Variants in MYO7A observed in about 807,000 individuals in gnomAD.
MYO7A encodes myosin VIIA.
Under a neutral mutation model 263.8 loss-of-function variants are expected in MYO7A, and 210 were observed. That is an observed-to-expected ratio of 0.80 (90% confidence interval 0.71 to 0.89). The LOEUF (loss-of-function observed/expected upper bound fraction) is 0.89, where lower values mean the gene tolerates loss of function less well. MYO7A is among the 40% of genes least tolerant of loss of function. The pLI is 0.00. For synonymous variants in MYO7A, 1,239 were observed against 1,197.3 expected, an observed-to-expected ratio of 1.03 and a Z score of -0.72; for missense variants, 2,820 against 2,968.3, an observed-to-expected ratio of 0.95 and a Z score of 1.16.
At position 77,158,332 on chromosome 11, in the gene MYO7A, G is replaced by T. The variant is rs41298135; in HGVS notation, c.905G>T (p.Arg302Leu). The change falls in exon 9 of 49, where the codon CGC (arginine) becomes CTC (leucine). Residue 302 changes from arginine (R) to leucine (L), a missense_variant. Coordinates refer to ENST00000409709, the MANE Select transcript of MYO7A (RefSeq NM_000260.4). ...GACAGCCAGGAGTACGCCAACATCCGCTCCGCCATGAAGGTGCTCATGTTC... is the reference window on the plus strand; with the variant it reads ...GACAGCCAGGAGTACGCCAACATCCTCTCCGCCATGAAGGTGCTCATGTTC... ...RVDSQEYANI[R>L]SAMKVLMFTD... 5 of 1,612,956 alleles carry T rather than the reference G, an allele frequency of 3.1e-6. No individual in the cohort carries two copies. The highest frequency in any genetic ancestry group is 1.7e-5 in the Admixed American group (1 of 59,968).
chr11:77,157,406 G>A lies in MYO7A; in HGVS notation c.849+14G>A, dbSNP rs1952589520. The A allele has an allele frequency of 6.3e-7, 1 of 1,581,472 alleles. No individual in the cohort carries two copies. Among genetic ancestry groups the A allele is most frequent in the Non-Finnish European group, 8.6e-7 (1 of 1,160,160 alleles). ...TACTTGGCCATGGTGAGGCCCAGGT[G>A]GGCCCCTGGGTAGGGGGGCACCCAC... On this transcript the variant is annotated intron_variant, in intron 8 of 48. Transcript: ENST00000409709.
intron 27 of MYO7A, among the ~76,000 whole-genome samples, chr11:77,186,378 C>G (rs981840223): frequency 6.6e-6 from 1 of 152,182 alleles, no homozygotes; most frequent in Non-Finnish European, 1.5e-5. Flanking sequence ...TATGAAAGTC[C>G]TAGATGACAT....
At chr11:77,133,283 CTCACA>C (rs1447982998) in intron 2 of MYO7A, among the ~76,000 whole-genome samples, 1 of 152,172 alleles carries the variant, frequency 6.6e-6, no homozygotes, top group Non-Finnish European at 1.5e-5. Context: ...GCACACCTGA[CTCACA>C]TCTTTAAGGA....
In MYO7A at chr11:77,176,851, T is replaced by C. The variant is rs531097235; in HGVS notation, c.2188-698T>C. 3.9e-5 allele frequency among the ~76,000 whole-genome samples: 6 copies of C among 152,276 alleles called. No homozygotes were observed. In the South Asian group the frequency reaches 1.0e-3, roughly 26 times the overall value. On this transcript the variant is annotated intron_variant, in intron 18 of 48. Transcript: ENST00000409709. The stretch of plus-strand genomic sequence containing the variant: ...GGCAGCCCCTCCCCTCCCCAGCATC[T>C]AGCACAGTGCCAGCACATGGAGGTG...
At chr11:77,174,960 T>G (rs782629396) in intron 17 of MYO7A, 46 bp downstream of exon 17, 1 of 1,593,392 alleles carries the variant, frequency 6.3e-7, no homozygotes, top group Non-Finnish European at 8.6e-7. Context: ...GGTCCCAGCT[T>G]TGGCTGGGCA....
At chr11:77,156,328 A>C (rs1952454802) in intron 5 of MYO7A, among the ~76,000 whole-genome samples, 1 of 152,172 alleles carries the variant, frequency 6.6e-6, no homozygotes, top group South Asian at 2.1e-4. Context: ...AGCCTTGTTT[A>C]CTGCTGGTTC....
chr11:77,210,039 A>T (rs1389336627), intron 44 of MYO7A, among the ~76,000 whole-genome samples: 6 of 152,204 alleles, frequency 3.9e-5, no homozygotes, highest in African/African-American at 1.2e-4. Context: ...GAGCTTTTAG[A>T]TGTCAGTCAG....
chr11:77,192,324 T>C, intron 31 of MYO7A, 46 bp downstream of exon 31: 2 of 1,577,148 alleles, frequency 1.3e-6, no homozygotes, highest in Non-Finnish European at 1.7e-6. Context: ...GCTCACAGCC[T>C]CCTGCTTTCC....
intron 15 of MYO7A, among the ~76,000 whole-genome samples, chr11:77,168,925 C>T (rs1476468236): frequency 1.3e-5 from 2 of 152,212 alleles, no homozygotes; most frequent in African/African-American, 4.8e-5. Context: ...AGGCCATATA[C>T]AAGCGAGGGC....
rs2135785791 is a variant in MYO7A, at chr11:77,211,319, A to T, written c.6219A>T (p.Ser2073=). The T allele has an allele frequency of 6.3e-7, 1 of 1,582,198 alleles. No individual in the cohort carries two copies. The highest frequency in any genetic ancestry group is 8.6e-7 in the Non-Finnish European group (1 of 1,164,380). ...LVPQDLIRQV[S]PDDWKRSIVA... ...CCCAGGACCTTATCCGGCAGGTCTC[A>T]CCTGATGACTGGAAGCGGGTGAGCA... The change falls in exon 45 of 49, where the codon TCA becomes TCT. Residue 2073 remains serine, a synonymous_variant. Transcript: ENST00000409709.
At chr11:77,190,476 C>G (rs1591415061) in intron 29 of MYO7A, among the ~76,000 whole-genome samples, 1 of 152,180 alleles carries the variant, frequency 6.6e-6, no homozygotes, top group African/African-American at 2.4e-5. Flanking sequence ...GACCTCTCAG[C>G]CCCAGGCCCT....
At chr11:77,170,694 T>C (rs1466648677) in intron 15 of MYO7A, among the ~76,000 whole-genome samples, 6 of 151,816 alleles carry the variant, frequency 4.0e-5, no homozygotes, top group African/African-American at 1.5e-4. Context: ...TCTTTCCTCT[T>C]CACTAACTCC....
At chr11:77,201,685 C>G (rs370776212) in intron 36 of MYO7A, 47 bp downstream of exon 36, 1 of 1,573,768 alleles carries the variant, frequency 6.4e-7, no homozygotes, top group Non-Finnish European at 8.7e-7. Flanking sequence ...CCATTAGACC[C>G]CTCTTTGTCC....
In MYO7A at chr11:77,190,095, G is replaced by C. The variant is rs1591413336; in HGVS notation, c.3706G>C (p.Val1236Leu). The C allele has an allele frequency of 3.2e-6, 5 of 1,579,386 alleles. No homozygotes were observed. The East Asian group carries it at 9.3e-5, about 29-fold the overall frequency. Reference sequence around the variant, plus strand: ...TGAGGAGCGCCTGAGAAGGACCTTTGTCAATGGGACACGGACACAGCCGCC... The same window carrying C: ...TGAGGAGCGCCTGAGAAGGACCTTTCTCAATGGGACACGGACACAGCCGCC... ...YCEERLRRTF[V>L]NGTRTQPPSW... is the part of the protein sequence containing the mutation. Residue 1236 changes from valine to leucine, a missense_variant, in exon 29 of 49, where the codon GTC becomes CTC. Val to Leu is a conservative substitution (Grantham distance 32). Coordinates refer to ENST00000409709, the MANE Select transcript of MYO7A (RefSeq NM_000260.4).
intron 2 of MYO7A, among the ~76,000 whole-genome samples, chr11:77,133,463 T>C (rs1393438850): frequency 6.6e-6 from 1 of 152,226 alleles, no homozygotes; most frequent in African/African-American, 2.4e-5. Context: ...TAGTAAAATA[T>C]AATGTCCTTC....
intron 1 of MYO7A, among the ~76,000 whole-genome samples, chr11:77,129,369 G>T (rs943012016): frequency 2.0e-5 from 3 of 152,204 alleles, no homozygotes; most frequent in African/African-American, 7.2e-5. Context: ...CGGATGTCGG[G>T]CAGTGTCATG....
intron 27 of MYO7A, 61 bp from the exon 28 acceptor site, chr11:77,189,283 G>A (rs1955854325): frequency 2.5e-6 from 4 of 1,601,290 alleles, no homozygotes; most frequent in Non-Finnish European, 3.4e-6. Context: ...CTAGGAGGAG[G>A]TGGGGACCGG....
intron 2 of MYO7A, among the ~76,000 whole-genome samples, chr11:77,136,830 G>T (rs1950920777): frequency 6.6e-6 from 1 of 152,156 alleles, no homozygotes; most frequent in Admixed American, 6.5e-5. Flanking sequence ...TGACTCCAGG[G>T]TCCAAACTCT....
chr11:77,183,064 G>T lies in MYO7A; in HGVS notation c.3286-4G>T, dbSNP rs1955389271. ...CTTGACCCTGATCCCTGCTGGTCCT[G>T]CAGGCCCAGCTCCCCGAGGGCCAGA... is the stretch of plus-strand genomic sequence containing the variant. On this transcript the variant is annotated splice_region_variant and splice_polypyrimidine_tract_variant and intron_variant, in intron 25 of 48. Coordinates refer to ENST00000409709, the MANE Select transcript of MYO7A (RefSeq NM_000260.4). The T allele has an allele frequency of 6.4e-7, 1 of 1,550,948 alleles. No homozygotes were observed.
Sources: gnomAD v4.1 joint callset for allele counts (sites outside exome capture counted in the v4.1 genomes callset) on GRCh38, gnomAD v4.1.1 for gene constraint, MANE v1.5 for transcripts, NCBI Gene and HGNC (gene_info 2026-07-23, HGNC 2026-07-21) for gene names.